Variants in PKHD1 observed in about 807,000 individuals in gnomAD.
The protein encoded by PKHD1 is fibrocystin.
PKHD1 carries 291 observed loss-of-function variants against 412.0 expected under a neutral mutation model. That is an observed-to-expected ratio of 0.71 (90% CI 0.64 to 0.78). The LOEUF (loss-of-function observed/expected upper bound fraction) is 0.78. PKHD1 is among the 30% of genes least tolerant of loss of function. The probability of loss-of-function intolerance (pLI) is 0.00; values close to 1 mark genes in which losing one functional copy is unlikely to be tolerated. For synonymous variants in PKHD1, 1,777 were observed against 1,821.5 expected, an observed-to-expected ratio of 0.98 and a Z score of 0.62; for missense variants, 4,825 against 4,950.7, an observed-to-expected ratio of 0.97 and a Z score of 0.76.
intron 49 of PKHD1, among the ~76,000 whole-genome samples, chr6:51,852,304 G>T (rs1772416579): frequency 6.6e-6 from 1 of 152,186 alleles, no homozygotes; most frequent in South Asian, 2.1e-4. Context: ...ATTTGCTGAG[G>T]AGTGTTTTAC....
intron 52 of PKHD1, among the ~76,000 whole-genome samples, chr6:51,797,347 A>T (rs1306893519): frequency 1.3e-5 from 2 of 152,102 alleles, no homozygotes; most frequent in African/African-American, 4.8e-5. Flanking sequence ...CTGGTCCTGA[A>T]TATTTTTGTT....
chr6:51,823,588 C>T (rs902548132), intron 52 of PKHD1, among the ~76,000 whole-genome samples: 1 of 152,038 alleles, frequency 6.6e-6, no homozygotes, highest in Admixed American at 6.6e-5. Flanking sequence ...GAAACAAATG[C>T]CATGACTGAT....
intron 35 of PKHD1, among the ~76,000 whole-genome samples, chr6:51,968,930 A>G (rs974380411): frequency 6.6e-6 from 1 of 152,198 alleles, no homozygotes; most frequent in Non-Finnish European, 1.5e-5. Flanking sequence ...CACCCTGTGT[A>G]GTCCTCTCCC....
chr6:51,870,653 GA>G lies in PKHD1; in HGVS notation c.7351-15del, dbSNP rs768522482. ...ACACAGACTTCCCTGTGATTTAAAA[GA>G]AAAAAAGATGAAAGCAAAATAAGAA... On this transcript the variant is annotated splice_polypyrimidine_tract_variant and intron_variant, in intron 46 of 66. Coordinates refer to ENST00000371117, the MANE Select transcript of PKHD1 (RefSeq NM_138694.4). The G allele has an allele frequency of 7.5e-6, 12 of 1,600,026 alleles. 1 individual carries two copies. Among genetic ancestry groups the G allele is most frequent in the South Asian group, 2.2e-5 (2 of 90,362 alleles).
intron 33 of PKHD1, among the ~76,000 whole-genome samples, chr6:52,021,903 C>CAT (rs1801452203): frequency 6.6e-6 from 1 of 152,140 alleles, no homozygotes. Context: ...CTTTAGCCCA[C>CAT]ATTCAAGTTG....
intron 35 of PKHD1, among the ~76,000 whole-genome samples, chr6:51,990,215 TTGGGAAGGCACTAGGGCTGATAG>T (rs1392906780): frequency 6.6e-6 from 1 of 151,942 alleles, no homozygotes; most frequent in Non-Finnish European, 1.5e-5. Flanking sequence ...TAAAAAATCA[TTGGGAAGGCACTAGGGCTGATAG>T]TGGCATCAAT....
At chr6:51,962,178 A>G (rs537988234) in intron 35 of PKHD1, among the ~76,000 whole-genome samples, 39 of 152,212 alleles carry the variant, frequency 2.6e-4, no homozygotes, top group Admixed American at 7.9e-4. Flanking sequence ...AAGAAATATG[A>G]AGACTTCAGC....
chr6:52,054,772 C>T (rs1015301934), intron 19 of PKHD1, among the ~76,000 whole-genome samples: 9 of 152,194 alleles, frequency 5.9e-5, no homozygotes, highest in East Asian at 1.9e-4. Flanking sequence ...GTTGCAACAA[C>T]GAAAACTGTC....
rs868441295 is a variant in PKHD1, at chr6:51,941,303, C to T, written c.5909-6981G>A. Among the ~76,000 whole-genome samples the T allele has an allele frequency of 1.4e-3, 163 of 120,554 alleles. 3 individuals are homozygous for T. Among genetic ancestry groups the T allele is most frequent in the Middle Eastern group, 7.2e-3 (1 of 138 alleles). The allele number at this position is 120,554 out of a possible 152,430, so 79.1% of individuals were successfully genotyped here. A position where few individuals can be genotyped will look rare whatever the true frequency, so the allele number is the denominator to read the frequency against. On this transcript the variant is annotated intron_variant, in intron 36 of 66. Transcript: ENST00000371117. ...TCGCTCTGTCGCCCAGGCCGGACTGCGGACTGCAGTGGCGCAATCTCGGCT... is the reference window on the plus strand; with the variant it reads ...TCGCTCTGTCGCCCAGGCCGGACTGTGGACTGCAGTGGCGCAATCTCGGCT...
intron 35 of PKHD1, among the ~76,000 whole-genome samples, chr6:51,988,318 A>G (rs1337723959): frequency 6.6e-6 from 1 of 152,212 alleles, no homozygotes; most frequent in African/African-American, 2.4e-5. Flanking sequence ...TTCTTGACAA[A>G]ATAAATTTTT....
chr6:51,951,709 A>G (rs1171268886), intron 36 of PKHD1, among the ~76,000 whole-genome samples: 2 of 152,132 alleles, frequency 1.3e-5, no homozygotes, highest in African/African-American at 4.8e-5. Flanking sequence ...TCAGTCCCCA[A>G]CATATTTTTA....
chr6:52,084,869 A>T lies in PKHD1; in HGVS notation c.52+13T>A, dbSNP rs200515444. On this transcript the variant is annotated intron_variant, in intron 2 of 66. Transcript: ENST00000371117. Reference sequence around the variant, plus strand: ...TTCTTACCTATAATTCCTTCAAAACACATTCTACTGACCTGCCAAAAGTAG... The same window carrying T: ...TTCTTACCTATAATTCCTTCAAAACTCATTCTACTGACCTGCCAAAAGTAG... The T allele has an allele frequency of 2.6e-6, 4 of 1,547,720 alleles. No homozygotes were observed. In the African/African-American group the frequency reaches 4.1e-5, roughly 16 times the overall value.
At chr6:52,023,878 T>C (rs1409048533) in intron 32 of PKHD1, among the ~76,000 whole-genome samples, 1 of 152,216 alleles carries the variant, frequency 6.6e-6, no homozygotes, top group East Asian at 1.9e-4. Flanking sequence ...CCCACAGTGT[T>C]CCACCAAGCT....
intron 36 of PKHD1, among the ~76,000 whole-genome samples, chr6:51,938,124 G>A (rs1349832649): frequency 9.5e-5 from 2 of 21,088 alleles, no homozygotes; most frequent in East Asian, 4.1e-3. Flanking sequence ...ATTATAAGAG[G>A]TGCCAAAATT....
At chr6:51,940,099 T>C (rs2127798845) in intron 36 of PKHD1, among the ~76,000 whole-genome samples, 1 of 151,798 alleles carries the variant, frequency 6.6e-6, no homozygotes, top group Non-Finnish European at 1.5e-5. Context: ...CCAGCCCAGT[T>C]CATGGTTCGT....
chr6:51,768,657 A>G (rs564325068), intron 55 of PKHD1, among the ~76,000 whole-genome samples: 2 of 152,028 alleles, frequency 1.3e-5, no homozygotes, highest in East Asian at 3.9e-4. Context: ...ATTTTCAATA[A>G]TTGGATCTAA....
chr6:51,883,371 G>A, intron 45 of PKHD1, 144 bp from the exon 46 acceptor site: 3 of 728,290 alleles, frequency 4.1e-6, no homozygotes, highest in Non-Finnish European at 7.1e-6. Flanking sequence ...GTCAGTATAG[G>A]CATCCTCAAG....
intron 4 of PKHD1, among the ~76,000 whole-genome samples, 195 bp downstream of exon 4, chr6:52,082,197 A>G (rs918787661): frequency 2.0e-5 from 3 of 152,194 alleles, no homozygotes; most frequent in Non-Finnish European, 4.4e-5. Context: ...GTTCTTCCCC[A>G]TACTCTCATC....
rs2150962983 is a variant in PKHD1 at position 51,744,536 on chromosome 6, A to G, written c.10005T>C (p.Asp3335=). Residue 3335 remains aspartate, a synonymous_variant, in exon 60 of 67, where the codon GAT becomes GAC. Transcript: ENST00000371117. ...ATTCAGGACAGACTACTTTTCCTAA[A>G]TCTTTCCTGTGAAGACAGTCAAAAA... ...FYFPSLQPRK[D]LGKVVCPELD... The G allele has an allele frequency of 6.2e-7, 1 of 1,612,762 alleles. No homozygotes were observed. Among genetic ancestry groups the G allele is most frequent in the Non-Finnish European group, 8.5e-7 (1 of 1,178,796 alleles).
Sources: gnomAD v4.1 joint callset for allele counts (sites outside exome capture counted in the v4.1 genomes callset) on GRCh38, gnomAD v4.1.1 for gene constraint, MANE v1.5 for transcripts, NCBI Gene and HGNC (gene_info 2026-07-23, HGNC 2026-07-21) for gene names.